Variants in NPAS3 observed in about 807,000 individuals in gnomAD.
The protein encoded by NPAS3 is neuronal PAS domain-containing protein 3.
In NPAS3, 14 loss-of-function variants were observed where a neutral mutation model predicts 73.1. The ratio of observed to expected loss-of-function variants is 0.19; its 90% CI spans 0.13 to 0.30. The LOEUF is 0.30. Ranked by LOEUF, NPAS3 falls within the 10% of genes least tolerant of loss-of-function variation. The pLI is 1.00. For synonymous variants in NPAS3, 620 were observed against 541.5 expected, an observed-to-expected ratio of 1.14 and a Z score of -2.01; for missense variants, 1,096 against 1,250.0, an observed-to-expected ratio of 0.88 and a Z score of 1.86.
At chr14:33,226,482 T>C (rs868231065) in intron 3 of NPAS3, among the ~76,000 whole-genome samples, 2 of 152,182 alleles carry the variant, frequency 1.3e-5, no homozygotes, top group African/African-American at 2.4e-5. Context: ...ATGAATAAAA[T>C]TGGTAAATCT....
chr14:33,636,695 C>T (rs886646891), intron 5 of NPAS3, among the ~76,000 whole-genome samples: 1 of 152,198 alleles, frequency 6.6e-6, no homozygotes, highest in African/African-American at 2.4e-5. Context: ...CCCAAACGCA[C>T]ACCAGTCAGA....
intron 4 of NPAS3, among the ~76,000 whole-genome samples, chr14:33,528,244 C>A (rs745331010): frequency 6.6e-6 from 1 of 151,934 alleles, no homozygotes; most frequent in Non-Finnish European, 1.5e-5. Flanking sequence ...TCAGCCAGGT[C>A]TGCCTGACCT....
At chr14:33,646,766 C>G (rs2058840467) in intron 5 of NPAS3, among the ~76,000 whole-genome samples, 1 of 152,180 alleles carries the variant, frequency 6.6e-6, no homozygotes, top group Non-Finnish European at 1.5e-5. Flanking sequence ...CAGGGCAGTA[C>G]TCATTGCCAC....
intron 4 of NPAS3, among the ~76,000 whole-genome samples, chr14:33,530,536 T>G (rs1270739695): frequency 6.6e-6 from 1 of 152,130 alleles, no homozygotes. Flanking sequence ...ATTTCAAATT[T>G]GCAAGTTGTC....
rs948472220 is a variant in NPAS3, at chr14:32,967,087, C to T, written c.50+27721C>T. On this transcript the variant is annotated intron_variant, in intron 1 of 11. Transcript: ENST00000356141. Reference sequence around the variant, plus strand: ...CCTTGAAAAACATGGATTTGAACTGCACAGGCCCACTTACATGAGGATTTA... The same window carrying T: ...CCTTGAAAAACATGGATTTGAACTGTACAGGCCCACTTACATGAGGATTTA... Among the ~76,000 whole-genome samples the T allele has an allele frequency of 3.9e-5, 6 of 152,104 alleles. No individual in the cohort carries two copies. The South Asian group carries it at 1.2e-3, about 32-fold the overall frequency.
chr14:33,286,924 T>G (rs1224608869), intron 3 of NPAS3, among the ~76,000 whole-genome samples: 2 of 152,174 alleles, frequency 1.3e-5, no homozygotes, highest in Non-Finnish European at 2.9e-5. Context: ...AATCATTTCC[T>G]AAGTGGGAGT....
intron 3 of NPAS3, among the ~76,000 whole-genome samples, chr14:33,350,940 C>T (rs1277283190): frequency 6.6e-6 from 1 of 152,162 alleles, no homozygotes. Flanking sequence ...GGTTTTAGTG[C>T]AGCAATTTAT....
intron 2 of NPAS3, among the ~76,000 whole-genome samples, chr14:33,064,290 A>G (rs1595363959): frequency 6.6e-6 from 1 of 152,242 alleles, no homozygotes; most frequent in East Asian, 1.9e-4. Flanking sequence ...AATATGCAGC[A>G]AGACATCTCT....
At chr14:33,640,329 C>T (rs1299449150) in intron 5 of NPAS3, among the ~76,000 whole-genome samples, 1 of 152,138 alleles carries the variant, frequency 6.6e-6, no homozygotes, top group Non-Finnish European at 1.5e-5. Context: ...ACATTGTACC[C>T]ATCAGGCAAG....
At chr14:33,546,862 C>T (rs2139673143) in intron 4 of NPAS3, among the ~76,000 whole-genome samples, 1 of 152,304 alleles carries the variant, frequency 6.6e-6, no homozygotes, top group South Asian at 2.1e-4. Flanking sequence ...TGATAAACTG[C>T]AGACCTATGT....
intron 2 of NPAS3, among the ~76,000 whole-genome samples, chr14:33,113,792 T>C (rs1167567900): frequency 6.6e-6 from 1 of 152,204 alleles, no homozygotes; most frequent in East Asian, 1.9e-4. Context: ...CAGTGTGATA[T>C]TGGCTGTGGG....
intron 5 of NPAS3, among the ~76,000 whole-genome samples, chr14:33,591,095 C>A (rs1008581913): frequency 6.6e-6 from 1 of 152,160 alleles, no homozygotes. Flanking sequence ...ACTTCATTTT[C>A]TCTACAACTG....
chr14:33,618,727 T>C (rs1466795300), intron 5 of NPAS3, among the ~76,000 whole-genome samples: 1 of 152,208 alleles, frequency 6.6e-6, no homozygotes, highest in African/African-American at 2.4e-5. Context: ...TTGATAGCAA[T>C]GAAATGTTTT....
chr14:33,663,618 G>C (rs146916385), intron 5 of NPAS3, among the ~76,000 whole-genome samples: 24 of 152,256 alleles, frequency 1.6e-4, no homozygotes, highest in Non-Finnish European at 2.6e-4. Flanking sequence ...TCAGAAGGAT[G>C]GTACGGGCTC....
At chr14:33,212,474 A>AAG (rs397808119) in intron 2 of NPAS3, among the ~76,000 whole-genome samples, 3 of 151,948 alleles carry the variant, frequency 2.0e-5, no homozygotes, top group African/African-American at 7.3e-5. Flanking sequence ...GATAAAAAAA[A>AAG]CATAAAGTAA....
At position 33,198,470 on chromosome 14, in the gene NPAS3, T is replaced by G. The variant is rs1355135352; in HGVS notation, c.141-16712T>G. ...GCATTTACAATCCTGTAGCTAGACA[T>G]AAAAGTTCTCCAAGTCCTCACCAGA... On this transcript the variant is annotated intron_variant, in intron 2 of 11. Transcript: ENST00000356141. Among the ~76,000 whole-genome samples the G allele has an allele frequency of 2.0e-5, 3 of 152,178 alleles. No homozygotes were observed. The South Asian group carries it at 6.2e-4, about 32-fold the overall frequency.
intron 4 of NPAS3, among the ~76,000 whole-genome samples, chr14:33,371,996 T>C (rs569530601): frequency 2.0e-5 from 3 of 152,296 alleles, no homozygotes; most frequent in Admixed American, 6.5e-5. Context: ...ATGGTAACAC[T>C]AGGGTCATAG....
chr14:33,443,183 T>G (rs1365746672), intron 4 of NPAS3, among the ~76,000 whole-genome samples: 1 of 152,104 alleles, frequency 6.6e-6, no homozygotes, highest in Admixed American at 6.6e-5. Flanking sequence ...GTCTTCCACA[T>G]TTTCCTCAAT....
At chr14:33,301,276 C>T (rs1326533614) in intron 3 of NPAS3, among the ~76,000 whole-genome samples, 1 of 132,756 alleles carries the variant, frequency 7.5e-6, no homozygotes, top group African/African-American at 2.8e-5. Flanking sequence ...ATCATTCAGG[C>T]CACCTCTAAA....
Sources: gnomAD v4.1 joint callset for allele counts (sites outside exome capture counted in the v4.1 genomes callset) on GRCh38, gnomAD v4.1.1 for gene constraint, MANE v1.5 for transcripts, NCBI Gene and HGNC (gene_info 2026-07-23, HGNC 2026-07-21) for gene names.